The following ADORA2A variants were observed in gnomAD, a reference collection of about 807,000 sequenced individuals.
ADORA2A encodes the protein adenosine receptor A2a.
ADORA2A carries 11 observed loss-of-function variants against 18.4 expected under a neutral mutation model. The ratio of observed to expected loss-of-function variants is 0.60; its 90% CI spans 0.38 to 0.99. The LOEUF (loss-of-function observed/expected upper bound fraction) is 0.99, where lower values mean the gene tolerates loss of function less well. Ranked by LOEUF, ADORA2A falls within the 50% of genes least tolerant of loss-of-function variation. ADORA2A has a pLI of 0.01. For synonymous variants in ADORA2A, 218 were observed against 237.3 expected (o/e 0.92, Z 0.75); for missense variants, 449 against 556.1 (o/e 0.81, Z 1.94).
At position 24,433,342 on chromosome 22, in the gene ADORA2A, C is replaced by T. The variant is rs147966166; in HGVS notation, c.-63C>T. 46 of 1,475,276 alleles carry T rather than the reference C, an allele frequency of 3.1e-5. No individual in the cohort carries two copies. The East Asian group carries it at 1.1e-3, about 34-fold the overall frequency. 91.4% of individuals were successfully genotyped at this position (1,475,276 alleles called of 1,614,324 possible). ...GGGAGCCAGGCGGGCGGCTGGGCTG[C>T]AGCAATGGACCGTGAGCTGGCCCAG... On this transcript the variant is annotated 5_prime_UTR_variant, in exon 2 of 3. Transcript: ENST00000337539.
At position 24,433,131 on chromosome 22, in the gene ADORA2A, G is replaced by C; in HGVS notation, c.-274G>C. 1.8e-6 allele frequency: 1 copy of C among 557,962 alleles called. No homozygotes were observed. Among genetic ancestry groups the C allele is most frequent in the East Asian group, 3.0e-5 (1 of 33,504 alleles). 34.6% of individuals were successfully genotyped at this position (557,962 alleles called of 1,614,324 possible). The stretch of plus-strand genomic sequence containing the variant: ...CTTCTCATCGGCTGTCCCTTTGCAG[G>C]TGCCTCAGGAACCCTGAAGCTGGGC... On this transcript the variant is annotated splice_region_variant and 5_prime_UTR_variant, in exon 2 of 3. Coordinates refer to ENST00000337539, the MANE Select transcript of ADORA2A (RefSeq NM_000675.6).
At chr22:24,436,713 G>A (rs1009453190) in intron 2 of ADORA2A, among the ~76,000 whole-genome samples, 6 of 152,306 alleles carry the variant, frequency 3.9e-5, no homozygotes, top group Admixed American at 6.5e-5. Flanking sequence ...GGTGAGGCCC[G>A]AAGTCCTAAC....
At chr22:24,426,686 T>C (rs1299767279), upstream of ADORA2A, among the ~76,000 whole-genome samples, 1 of 152,114 alleles carries the variant, frequency 6.6e-6, no homozygotes, top group Non-Finnish European at 1.5e-5. Flanking sequence ...CCCTGCAGCC[T>C]GGACTCCATG....
Position 24,440,600 on chromosome 22 carries a change from C to T in ADORA2A, c.350C>T (p.Thr117Ile). 6.4e-7 allele frequency: 1 copy of T among 1,562,610 alleles called. No homozygotes were observed. Among genetic ancestry groups the T allele is most frequent in the Non-Finnish European group, 8.7e-7 (1 of 1,151,612 alleles). ...CTCCCCAGGTACAATGGCTTGGTGA[C>T]CGGCACGAGGGCTAAGGGCATCATT... ...RIPLRYNGLVTGTRAKGIIAI... is the reference protein window; with the variant it reads ...RIPLRYNGLVIGTRAKGIIAI... The change falls in exon 3 of 3, where the codon ACC (threonine) becomes ATC (isoleucine). Residue 117 changes from threonine to isoleucine, a missense_variant. Transcript: ENST00000337539.
chr22:24,438,932 G>A (rs1289048225), intron 2 of ADORA2A, among the ~76,000 whole-genome samples: 2 of 152,058 alleles, frequency 1.3e-5, no homozygotes, highest in African/African-American at 2.4e-5. Flanking sequence ...TTTGCATGGC[G>A]CTGAAGACCA....
In ADORA2A at chr22:24,440,884, G is replaced by A. The variant is rs201891365; in HGVS notation, c.634G>A (p.Glu212Lys). ...LAARRQLKQMESQPLPGERAR... is the reference protein window; with the variant it reads ...LAARRQLKQMKSQPLPGERAR... ...GGCGCGACGACAGCTGAAGCAGATGGAGAGCCAGCCTCTGCCGGGGGAGCG... is the reference window on the plus strand; with the variant it reads ...GGCGCGACGACAGCTGAAGCAGATGAAGAGCCAGCCTCTGCCGGGGGAGCG... Residue 212 changes from glutamate to lysine, a missense_variant, in exon 3 of 3, where the codon GAG becomes AAG. By Grantham distance (56) the Glu-to-Lys change is moderately conservative. Coordinates refer to ENST00000337539, the MANE Select transcript of ADORA2A (RefSeq NM_000675.6). The A allele has an allele frequency of 3.7e-6, 6 of 1,614,206 alleles. No individual in the cohort carries two copies. Among genetic ancestry groups the A allele is most frequent in the Non-Finnish European group, 5.1e-6 (6 of 1,180,042 alleles).
chr22:24,426,916 C>A (rs903799313), upstream of ADORA2A, among the ~76,000 whole-genome samples: 3 of 152,196 alleles, frequency 2.0e-5, no homozygotes, highest in African/African-American at 7.2e-5. Flanking sequence ...TCTCTCACCA[C>A]CCCCCGCCAA....
chr22:24,431,833 T>A (rs2043044513), intron 1 of ADORA2A, among the ~76,000 whole-genome samples: 1 of 152,096 alleles, frequency 6.6e-6, no homozygotes, highest in Non-Finnish European at 1.5e-5. Flanking sequence ...AACCAAAACT[T>A]CTGCTTCTGA....
In ADORA2A at chr22:24,433,703, T is replaced by C. The variant is rs2043103826; in HGVS notation, c.299T>C (p.Ile100Thr). 1 of 1,609,690 alleles carries C rather than the reference T, an allele frequency of 6.2e-7. No homozygotes were observed. Among genetic ancestry groups the C allele is most frequent in the East Asian group, 2.2e-5 (1 of 44,884 alleles). Residue 100 changes from isoleucine to threonine, a missense_variant, in exon 2 of 3, where the codon ATT (isoleucine) becomes ACT (threonine). By Grantham distance (89) the Ile-to-Thr change is moderately conservative. Coordinates refer to ENST00000337539, the MANE Select transcript of ADORA2A (RefSeq NM_000675.6). ...ATCTTCAGTCTCCTGGCCATCGCCA[T>C]TGACCGCTACATTGCCATCCGCATC... ...SSIFSLLAIA[I>T]DRYIAIRIPL...
chr22:24,426,651 G>A (rs966728159), upstream of ADORA2A, among the ~76,000 whole-genome samples: 2 of 152,196 alleles, frequency 1.3e-5, no homozygotes, highest in African/African-American at 2.4e-5. Flanking sequence ...GGAAGAGGCA[G>A]TTTCATGGCG....
Position 24,441,395 on chromosome 22 carries a change from A to G in ADORA2A, c.1145A>G (p.Asp382Gly). The change falls in exon 3 of 3, where the codon GAC becomes GGC. Residue 382 changes from aspartate (D) to glycine (G), a missense_variant. Physicochemically the swap from Asp to Gly is moderately conservative, Grantham distance 94. Coordinates refer to ENST00000337539, the MANE Select transcript of ADORA2A (RefSeq NM_000675.6). ...TCCCAGGGGAACACGGGCCTCCCAG[A>G]CGTGGAGCTCCTTAGCCATGAGCTC... ...QESQGNTGLP[D>G]VELLSHELKG... The G allele has an allele frequency of 1.9e-6, 3 of 1,564,332 alleles. No individual in the cohort carries two copies. Among genetic ancestry groups the G allele is most frequent in the Non-Finnish European group, 2.6e-6 (3 of 1,156,326 alleles).
At position 24,440,768 on chromosome 22, in the gene ADORA2A, C is replaced by T; in HGVS notation, c.518C>T (p.Pro173Leu). 1.2e-6 allele frequency: 2 copies of T among 1,614,204 alleles called. No homozygotes were observed. Among genetic ancestry groups the T allele is most frequent in the Non-Finnish European group, 1.7e-6 (2 of 1,180,040 alleles). Residue 173 changes from proline (P) to leucine (L), a missense_variant, in exon 3 of 3, where the codon CCC becomes CTC. Transcript: ENST00000337539. ...QVACLFEDVV[P>L]MNYMVYFNFF... ...GCCTGTCTCTTTGAGGATGTGGTCCCCATGAACTACATGGTGTACTTCAAC... is the reference window on the plus strand; with the variant it reads ...GCCTGTCTCTTTGAGGATGTGGTCCTCATGAACTACATGGTGTACTTCAAC...
At position 24,433,468 on chromosome 22, in the gene ADORA2A, C is replaced by T; in HGVS notation, c.64C>T (p.Leu22=). 2 of 1,614,140 alleles carry T rather than the reference C, an allele frequency of 1.2e-6. No individual in the cohort carries two copies. The highest frequency in any genetic ancestry group is 8.5e-7 in the Non-Finnish European group (1 of 1,180,026). Residue 22 remains leucine (L), a synonymous_variant, in exon 2 of 3, where the codon CTG becomes TTG. Transcript: ENST00000337539. ...GCTGGCCATTGCTGTGCTGGCCATC[C>T]TGGGCAATGTGCTGGTGTGCTGGGC... ...VELAIAVLAI[L]GNVLVCWAVW... is the part of the protein sequence containing the mutation.
At chr22:24,434,496 C>G (rs2043126188) in intron 2 of ADORA2A, among the ~76,000 whole-genome samples, 1 of 152,182 alleles carries the variant, frequency 6.6e-6, no homozygotes, top group Non-Finnish European at 1.5e-5. Context: ...TTCCACCTAC[C>G]CAGGCCATAG....
rs2043325677 is a variant in ADORA2A, at chr22:24,441,019, T to G, written c.769T>G (p.Phe257Val). The change falls in exon 3 of 3, where the codon TTC (phenylalanine) becomes GTC (valine). Residue 257 changes from phenylalanine (F) to valine (V), a missense_variant. By Grantham distance (50) the Phe-to-Val change is conservative. Transcript: ENST00000337539. The part of the protein sequence containing the change: ...LPLHIINCFT[F>V]FCPDCSHAPL... ...CCTACACATCATCAACTGCTTCACT[T>G]TCTTCTGCCCCGACTGCAGCCACGC... The G allele has an allele frequency of 6.2e-7, 1 of 1,614,058 alleles. No homozygotes were observed. The highest frequency in any genetic ancestry group is 1.1e-5 in the South Asian group (1 of 91,092).
chr22:24,435,930 CCCTT>C (rs1027308698), intron 2 of ADORA2A, among the ~76,000 whole-genome samples: 82 of 152,228 alleles, frequency 5.4e-4, no homozygotes, highest in African/African-American at 1.9e-3. Context: ...TGTTCATCCT[CCCTT>C]GAGGGCAGAG....
Position 24,430,857 on chromosome 22 carries a change from C to T in ADORA2A, c.-274-2274C>T, listed in dbSNP as rs138745403. On this transcript the variant is annotated intron_variant, in intron 1 of 2. Transcript: ENST00000337539. ...GGGAGGCAGGATCCCTGGGTAGAGG[C>T]GGCTCCTCAGTGGCCCACTGGGCCT... 1.3e-3 allele frequency: 459 copies of T among 343,744 alleles called. 5 individuals are homozygous for T. The Admixed American group carries it at 0.017, about 13-fold the overall frequency. 21.3% of individuals were successfully genotyped at this position (343,744 alleles called of 1,614,324 possible).
chr22:24,426,448 G>A (rs898937540), upstream of ADORA2A, among the ~76,000 whole-genome samples: 5 of 152,202 alleles, frequency 3.3e-5, no homozygotes, highest in Admixed American at 1.3e-4. Flanking sequence ...AGCTGAGCTG[G>A]TGAATGGGAG....
At chr22:24,431,543 C>T in intron 1 of ADORA2A, 1 of 455,454 alleles carries the variant, frequency 2.2e-6, no homozygotes, top group Non-Finnish European at 4.4e-6. Flanking sequence ...GGTTGCCAGT[C>T]CTGCTCCATC....
Sources: gnomAD v4.1 joint callset for allele counts (sites outside exome capture counted in the v4.1 genomes callset) on GRCh38, gnomAD v4.1.1 for gene constraint, MANE v1.5 for transcripts, NCBI Gene and HGNC (gene_info 2026-07-23, HGNC 2026-07-21) for gene names.